RNF6: variants seen among roughly 807,000 people sequenced by gnomAD.
RNF6 encodes E3 ubiquitin-protein ligase RNF6.
In RNF6, 21 loss-of-function variants were observed where a neutral mutation model predicts 50.1. That is an observed-to-expected ratio of 0.42 (90% CI 0.30 to 0.60). The LOEUF is 0.60. Among genes scored for constraint, RNF6 ranks in the 20% least tolerant of loss-of-function variants. RNF6 has a pLI of 0.20. For missense variants in RNF6, 698 were observed against 838.2 expected, an observed-to-expected ratio of 0.83 and a Z score of 2.07; for synonymous variants, 255 against 291.8, an observed-to-expected ratio of 0.87 and a Z score of 1.29.
At chr13:26,211,870 T>C (rs1396407144), downstream of RNF6, among the ~76,000 whole-genome samples, 1 of 152,224 alleles carries the variant, frequency 6.6e-6, no homozygotes, top group African/African-American at 2.4e-5. Context: ...TTCAAGATGT[T>C]TAAATTGGCA....
At chr13:26,176,600 G>A (rs1269326082) in intron 5 of RNF6, among the ~76,000 whole-genome samples, 1 of 152,314 alleles carries the variant, frequency 6.6e-6, no homozygotes, top group East Asian at 1.9e-4. Context: ...GATGTTTAGG[G>A]TTGGCCCTAA....
At position 26,219,452 on chromosome 13, in the gene RNF6, C is replaced by G. The variant is rs565141959; in HGVS notation, c.193+5G>C. 1 of 1,594,938 alleles carries G rather than the reference C, an allele frequency of 6.3e-7. No individual in the cohort carries two copies. The highest frequency in any genetic ancestry group is 1.3e-5 in the African/African-American group (1 of 74,548). ...AGGGTGTTTCCTCTTTTACCCATCTCTTACCAGGGGTGCCTAAAAGATTAT... is the reference window on the plus strand; with the variant it reads ...AGGGTGTTTCCTCTTTTACCCATCTGTTACCAGGGGTGCCTAAAAGATTAT... On this transcript the variant is annotated splice_donor_5th_base_variant and intron_variant, in intron 3 of 4. Transcript: ENST00000381588.
chr13:26,222,811 G>C (rs1423352909), upstream of RNF6, among the ~76,000 whole-genome samples: 1 of 152,026 alleles, frequency 6.6e-6, no homozygotes, highest in Non-Finnish European at 1.5e-5. Context: ...TTGTAGAGAC[G>C]GGGGTCTCGC....
intron 4 of RNF6, 43 bp from the exon 5 acceptor site, chr13:26,215,635 A>C: frequency 1.3e-6 from 2 of 1,488,012 alleles, no homozygotes; most frequent in Middle Eastern, 1.8e-4. Context: ...TTCCTAAGAC[A>C]CACCTTACAG....
chr13:26,217,084 CCAATAAAATAAACAG>C (rs1869960859), intron 4 of RNF6, among the ~76,000 whole-genome samples: 1 of 152,084 alleles, frequency 6.6e-6, no homozygotes, highest in African/African-American at 2.4e-5. Context: ...GCTGTTGATG[CCAATAAAATAAACAG>C]CAACTGAGCC....
intron 5 of RNF6, among the ~76,000 whole-genome samples, chr13:26,205,942 T>C (rs1482566034): frequency 2.0e-5 from 3 of 152,126 alleles, no homozygotes; most frequent in Non-Finnish European, 4.4e-5. Flanking sequence ...GCCCAGGAGG[T>C]TGAGGCTACA....
chr13:26,203,809 A>T (rs956489986), intron 5 of RNF6, among the ~76,000 whole-genome samples: 1 of 152,194 alleles, frequency 6.6e-6, no homozygotes, highest in Non-Finnish European at 1.5e-5. Flanking sequence ...AAAATACAAA[A>T]AAATTAGCCG....
At chr13:26,220,322 T>C (rs1226546434) in intron 2 of RNF6, among the ~76,000 whole-genome samples, 1 of 152,158 alleles carries the variant, frequency 6.6e-6, no homozygotes, top group Non-Finnish European at 1.5e-5. Context: ...TCAGAGCACT[T>C]TGTATCACCC....
chr13:26,201,227 T>TA (rs1269396484), intron 5 of RNF6, among the ~76,000 whole-genome samples: 4 of 152,230 alleles, frequency 2.6e-5, no homozygotes, highest in Non-Finnish European at 5.9e-5. Flanking sequence ...ACTAAGAACC[T>TA]AAAATGGTCC....
chr13:26,164,687 G>C (rs2137617514), intron 5 of RNF6, among the ~76,000 whole-genome samples: 1 of 152,002 alleles, frequency 6.6e-6, no homozygotes, highest in Middle Eastern at 3.4e-3. Context: ...TAAAGAATCT[G>C]GTTCTGCTTG....
intron 5 of RNF6, among the ~76,000 whole-genome samples, chr13:26,158,324 A>G (rs924974264): frequency 1.3e-5 from 2 of 152,212 alleles, no homozygotes; most frequent in Non-Finnish European, 1.5e-5. Context: ...ATGATCAACT[A>G]TGAGCAGCAC....
chr13:26,196,263 T>C (rs992066154), intron 5 of RNF6, among the ~76,000 whole-genome samples: 4 of 152,064 alleles, frequency 2.6e-5, no homozygotes, highest in African/African-American at 9.7e-5. Flanking sequence ...GTCAAAAGTA[T>C]AAAATCATTA....
At chr13:26,181,428 T>C (rs1031769743) in intron 5 of RNF6, among the ~76,000 whole-genome samples, 1 of 152,160 alleles carries the variant, frequency 6.6e-6, no homozygotes, top group Non-Finnish European at 1.5e-5. Context: ...CCTAGGCTGT[T>C]GGCAACAGCC....
At chr13:26,178,483 GA>G (rs1873071513) in intron 5 of RNF6, among the ~76,000 whole-genome samples, 1 of 139,276 alleles carries the variant, frequency 7.2e-6, no homozygotes, top group African/African-American at 2.6e-5. Flanking sequence ...TCATCTGGGG[GA>G]TTAGCATTTC....
intron 5 of RNF6, among the ~76,000 whole-genome samples, chr13:26,191,622 C>T (rs1404827579): frequency 6.6e-6 from 1 of 152,176 alleles, no homozygotes; most frequent in Non-Finnish European, 1.5e-5. Flanking sequence ...TCCTCACTCT[C>T]TTTCTCCCGC....
chr13:26,195,267 G>T (rs900162541), intron 5 of RNF6, among the ~76,000 whole-genome samples: 1 of 3,764 alleles, frequency 2.7e-4, no homozygotes, highest in Admixed American at 3.8e-3. Flanking sequence ...GGCTGCCTTT[G>T]GGGGGCGGCT....
chr13:26,148,632 T>TTATATATATATATATATATA (rs57373126), intron 5 of RNF6, among the ~76,000 whole-genome samples: 20 of 47,062 alleles, frequency 4.2e-4, no homozygotes, highest in South Asian at 6.7e-4. Context: ...ATAAATCTCT[T>TTATATATATATATATATATA]TATATATATA....
intron 5 of RNF6, among the ~76,000 whole-genome samples, chr13:26,198,814 A>G (rs76392965): frequency 0.023 from 3,546 of 152,098 alleles, 159 homozygotes; most frequent in East Asian, 0.16. Flanking sequence ...AAATACAAAA[A>G]TCAATTGTAC....
chr13:26,178,170 C>T (rs778610746), intron 5 of RNF6, among the ~76,000 whole-genome samples: 5 of 152,188 alleles, frequency 3.3e-5, no homozygotes, highest in Admixed American at 6.5e-5. Context: ...GCCTGGGCAA[C>T]AGAGAGAGAC....
Sources: allele counts gnomAD v4.1 joint callset (sites outside exome capture counted in the v4.1 genomes callset), GRCh38; gene constraint gnomAD v4.1.1; transcripts MANE v1.5; gene names NCBI Gene and HGNC (gene_info 2026-07-23, HGNC 2026-07-21).